The following GRIP1 variants were observed in gnomAD, a reference collection of about 807,000 sequenced individuals.
GRIP1 encodes glutamate receptor interacting protein 1.
GRIP1 carries 45 observed loss-of-function variants against 129.9 expected under a neutral mutation model. The ratio of observed to expected loss-of-function variants is 0.35; its 90% CI spans 0.27 to 0.44. The LOEUF (loss-of-function observed/expected upper bound fraction) is 0.44, where lower values mean the gene tolerates loss of function less well. GRIP1 is among the 20% of genes least tolerant of loss of function. GRIP1 has a pLI of 1.00. For missense variants in GRIP1, 1,196 were observed against 1,396.8 expected, an observed-to-expected ratio of 0.86 and a Z score of 2.29; for synonymous variants, 530 against 520.8, an observed-to-expected ratio of 1.02 and a Z score of -0.24.
chr12:66,455,870 C>CA (rs1459013360), intron 10 of GRIP1, among the ~76,000 whole-genome samples: 1 of 152,234 alleles, frequency 6.6e-6, no homozygotes, highest in Non-Finnish European at 1.5e-5. Context: ...TACATAATCT[C>CA]ATTTTCATAT....
At chr12:66,801,229 T>C (rs924676497) in intron 1 of GRIP1, among the ~76,000 whole-genome samples, 1 of 152,076 alleles carries the variant, frequency 6.6e-6, no homozygotes. Context: ...ACCCAAAGCA[T>C]GCGTCTGTCT....
intron 1 of GRIP1, among the ~76,000 whole-genome samples, chr12:66,811,366 A>G (rs2039099520): frequency 6.6e-6 from 1 of 152,200 alleles, no homozygotes; most frequent in Non-Finnish European, 1.5e-5. Flanking sequence ...CTGAAGGTGT[A>G]TGTGTCTTAG....
At chr12:66,536,369 T>A (rs1336531688) in intron 4 of GRIP1, among the ~76,000 whole-genome samples, 1 of 152,202 alleles carries the variant, frequency 6.6e-6, no homozygotes, top group African/African-American at 2.4e-5. Context: ...CCCAGTGGCC[T>A]ATAGTGATAC....
chr12:66,955,871 C>T (rs1051761277), intron 1 of GRIP1, among the ~76,000 whole-genome samples: 4 of 152,202 alleles, frequency 2.6e-5, no homozygotes, highest in Non-Finnish European at 5.9e-5. Context: ...CAAGGGAAAG[C>T]ATATTACCTG....
intron 1 of GRIP1, 80 bp from the exon 2 acceptor site, chr12:66,597,007 T>C: frequency 2.1e-6 from 2 of 962,782 alleles, no homozygotes; most frequent in East Asian, 4.8e-5. Flanking sequence ...ATTGCAATCC[T>C]TCTGCGAGAG....
intron 2 of GRIP1, among the ~76,000 whole-genome samples, chr12:66,596,106 AT>A (rs2064038681): frequency 6.6e-6 from 1 of 152,224 alleles, no homozygotes; most frequent in African/African-American, 2.4e-5. Context: ...AAATGCATTA[AT>A]GCTTTTAACT....
At chr12:66,401,609 T>TATATATATATACACACACACAC (rs1169241331) in intron 16 of GRIP1, among the ~76,000 whole-genome samples, 18 of 110,180 alleles carry the variant, frequency 1.6e-4, no homozygotes, top group East Asian at 8.9e-4. Flanking sequence ...TATATATATA[T>TATATATATATACACACACACAC]ACACACACAC....
chr12:67,007,971 A>ATATCC (rs2094357158), intron 1 of GRIP1, among the ~76,000 whole-genome samples: 1 of 152,230 alleles, frequency 6.6e-6, no homozygotes, highest in Non-Finnish European at 1.5e-5. Flanking sequence ...GCTGAGGAAA[A>ATATCC]TGAAATAGGA....
rs186640009 is a variant in GRIP1 at position 66,376,224 on chromosome 12, A to G, written c.2778+793T>C. ...TTCTCTTTGCAGATTCACAAACATT[A>G]GAATCACATAAAATAACCACACATG... On this transcript the variant is annotated intron_variant, in intron 22 of 24. Coordinates refer to ENST00000359742, the MANE Select transcript of GRIP1 (RefSeq NM_001366722.1). Among the ~76,000 whole-genome samples, 332 of 152,380 alleles carry G rather than the reference A, an allele frequency of 2.2e-3. 1 individual carries two copies. The highest frequency in any genetic ancestry group is 7.2e-3 in the African/African-American group (299 of 41,604).
intron 4 of GRIP1, among the ~76,000 whole-genome samples, chr12:66,531,272 T>C (rs1320958103): frequency 1.8e-4 from 2 of 11,248 alleles, no homozygotes; most frequent in African/African-American, 3.2e-3. Flanking sequence ...TATATATATA[T>C]ATATATATAT....
intron 1 of GRIP1, among the ~76,000 whole-genome samples, chr12:66,855,605 G>A (rs1262404071): frequency 6.6e-6 from 1 of 151,974 alleles, no homozygotes; most frequent in African/African-American, 2.4e-5. Flanking sequence ...GGCAATAGAG[G>A]AAGCCATTTT....
At chr12:66,815,860 C>T (rs866980602) in intron 1 of GRIP1, among the ~76,000 whole-genome samples, 2,407 of 146,388 alleles carry the variant, frequency 0.016, 56 homozygotes, top group African/African-American at 0.048. Context: ...TTCTTTCTCT[C>T]TCTCTCTCTC....
chr12:66,614,685 T>C (rs2064962518), intron 1 of GRIP1, among the ~76,000 whole-genome samples: 1 of 152,098 alleles, frequency 6.6e-6, no homozygotes, highest in African/African-American at 2.4e-5. Context: ...GGGGCTTCCA[T>C]TATACTTAGA....
At chr12:66,671,178 C>T (rs2034061936) in intron 1 of GRIP1, among the ~76,000 whole-genome samples, 1 of 152,118 alleles carries the variant, frequency 6.6e-6, no homozygotes, top group Non-Finnish European at 1.5e-5. Flanking sequence ...GAATTGGGTG[C>T]TCATAAAAAT....
chr12:66,512,109 T>C (rs2060716975), intron 7 of GRIP1, among the ~76,000 whole-genome samples: 1 of 152,136 alleles, frequency 6.6e-6, no homozygotes, highest in Non-Finnish European at 1.5e-5. Flanking sequence ...TCCTGAGGCC[T>C]CCCCAGCCAT....
intron 7 of GRIP1, among the ~76,000 whole-genome samples, chr12:66,471,185 A>T (rs1006954937): frequency 6.6e-6 from 1 of 152,180 alleles, no homozygotes; most frequent in East Asian, 1.9e-4. Flanking sequence ...ATCTCTACTC[A>T]TCTTTACACA....
At chr12:66,748,898 C>G (rs2037037989) in intron 1 of GRIP1, among the ~76,000 whole-genome samples, 1 of 152,164 alleles carries the variant, frequency 6.6e-6, no homozygotes, top group African/African-American at 2.4e-5. Context: ...GTGTATCCAT[C>G]CCTAGAGGTA....
intron 1 of GRIP1, among the ~76,000 whole-genome samples, chr12:66,651,722 T>A (rs565710696): frequency 1.3e-5 from 2 of 152,200 alleles, no homozygotes; most frequent in African/African-American, 4.8e-5. Flanking sequence ...GGAAAAAAAA[T>A]TCATTTGCTT....
At chr12:66,898,791 A>C (rs1035822087) in intron 1 of GRIP1, among the ~76,000 whole-genome samples, 2 of 152,184 alleles carry the variant, frequency 1.3e-5, no homozygotes, top group African/African-American at 4.8e-5. Flanking sequence ...GTTTATTAGC[A>C]ACAATTACAA....
Sources: gnomAD v4.1 joint callset for allele counts (sites outside exome capture counted in the v4.1 genomes callset) on GRCh38, gnomAD v4.1.1 for gene constraint, MANE v1.5 for transcripts, NCBI Gene and HGNC (gene_info 2026-07-23, HGNC 2026-07-21) for gene names.